LRRTM4: variants seen among roughly 807,000 people sequenced by gnomAD.
LRRTM4 encodes the protein leucine rich repeat transmembrane neuronal 4, also known as leucine-rich repeat transmembrane neuronal protein 4.
LRRTM4 carries 25 observed loss-of-function variants against 47.6 expected under a neutral mutation model. The observed-to-expected ratio is 0.53, with a 90% confidence interval of 0.38 to 0.73. LRRTM4 has a LOEUF of 0.73. Among genes scored for constraint, LRRTM4 ranks in the 30% least tolerant of loss-of-function variants. The pLI is 0.00. For missense variants in LRRTM4, 638 were observed against 713.4 expected, an observed-to-expected ratio of 0.89 and a Z score of 1.20; for synonymous variants, 311 against 269.5, an observed-to-expected ratio of 1.15 and a Z score of -1.51.
intron 3 of LRRTM4, among the ~76,000 whole-genome samples, chr2:77,510,274 A>G (rs931482267): frequency 2.6e-5 from 4 of 152,142 alleles, no homozygotes; most frequent in Admixed American, 6.5e-5. Context: ...TTAATAAGTT[A>G]ACACCTCAAA....
At chr2:76,825,686 G>A (rs1369324211) in intron 3 of LRRTM4, among the ~76,000 whole-genome samples, 2 of 150,864 alleles carry the variant, frequency 1.3e-5, no homozygotes, top group Non-Finnish European at 3.0e-5. Context: ...AGCTAAAAAT[G>A]TAAATGGGGA....
chr2:77,257,717 AAC>A (rs57315997), intron 3 of LRRTM4, among the ~76,000 whole-genome samples: 5,363 of 146,524 alleles, frequency 0.037, 128 homozygotes, highest in African/African-American at 0.063. Flanking sequence ...TTAAAAATAC[AAC>A]ACACACACAC....
chr2:76,789,726 A>G (rs1363578739), intron 3 of LRRTM4, among the ~76,000 whole-genome samples: 1 of 152,144 alleles, frequency 6.6e-6, no homozygotes, highest in Non-Finnish European at 1.5e-5. Context: ...TGGAATAACC[A>G]AATTCCAGGT....
chr2:76,863,369 G>C (rs1672374401), intron 3 of LRRTM4, among the ~76,000 whole-genome samples: 1 of 152,102 alleles, frequency 6.6e-6, no homozygotes, highest in African/African-American at 2.4e-5. Context: ...TAATGACCCA[G>C]ACACATCAAT....
chr2:77,479,826 A>C (rs1677596036), intron 3 of LRRTM4, among the ~76,000 whole-genome samples: 1 of 151,402 alleles, frequency 6.6e-6, no homozygotes, highest in African/African-American at 2.4e-5. Context: ...GGCTCATCAG[A>C]CTTCTTCAGA....
chr2:76,792,799 G>GTATC (rs935169473), intron 3 of LRRTM4, among the ~76,000 whole-genome samples: 8 of 152,260 alleles, frequency 5.3e-5, no homozygotes, highest in Admixed American at 4.6e-4. Flanking sequence ...AAATTAGCTT[G>GTATC]TATCTGGTTA....
At chr2:76,996,744 T>C (rs1677216369) in intron 3 of LRRTM4, among the ~76,000 whole-genome samples, 1 of 151,876 alleles carries the variant, frequency 6.6e-6, no homozygotes, top group South Asian at 2.1e-4. Flanking sequence ...TGATGAAAAG[T>C]TTCCTCACAA....
intron 3 of LRRTM4, among the ~76,000 whole-genome samples, chr2:76,864,429 G>A (rs1272111263): frequency 4.0e-5 from 6 of 151,898 alleles, no homozygotes; most frequent in Non-Finnish European, 7.4e-5. Context: ...AGGCCTAGGC[G>A]GGCGGATCAT....
chr2:77,191,979 A>G (rs1450913550), intron 3 of LRRTM4, among the ~76,000 whole-genome samples: 1 of 152,094 alleles, frequency 6.6e-6, no homozygotes, highest in Non-Finnish European at 1.5e-5. Context: ...AGGTCAGAAT[A>G]AAGACATCCA....
intron 3 of LRRTM4, among the ~76,000 whole-genome samples, chr2:76,794,012 A>G (rs577071703): frequency 6.1e-4 from 93 of 152,332 alleles, no homozygotes; most frequent in Non-Finnish European, 9.0e-4. Flanking sequence ...TGTCTCTAAT[A>G]GTAATCTGTA....
intron 3 of LRRTM4, among the ~76,000 whole-genome samples, chr2:76,810,453 T>C (rs577035921): frequency 7.2e-5 from 11 of 152,306 alleles, no homozygotes; most frequent in South Asian, 4.1e-4. Context: ...TTTGCTCTTA[T>C]GTTTTTGATT....
intron 3 of LRRTM4, among the ~76,000 whole-genome samples, chr2:77,413,264 G>A (rs1319245269): frequency 5.9e-5 from 9 of 152,268 alleles, no homozygotes; most frequent in Non-Finnish European, 1.0e-4. Flanking sequence ...AAGAACATGA[G>A]TAGGTCTGGC....
intron 3 of LRRTM4, among the ~76,000 whole-genome samples, chr2:76,752,817 T>C (rs1488889688): frequency 6.6e-6 from 1 of 152,144 alleles, no homozygotes; most frequent in Non-Finnish European, 1.5e-5. Flanking sequence ...TTAATTCAGA[T>C]TTGGTATTTT....
intron 3 of LRRTM4, among the ~76,000 whole-genome samples, chr2:77,287,419 G>A (rs1676695817): frequency 6.6e-6 from 1 of 151,642 alleles, no homozygotes; most frequent in Admixed American, 6.6e-5. Context: ...TCTATCATAT[G>A]TATATATTAG....
At chr2:76,924,214 T>C (rs1475824900) in intron 3 of LRRTM4, among the ~76,000 whole-genome samples, 1 of 152,086 alleles carries the variant, frequency 6.6e-6, no homozygotes, top group Non-Finnish European at 1.5e-5. Context: ...ATTTTAAAAC[T>C]AAAGCAAAAA....
At chr2:77,103,552 C>A (rs1671012665) in intron 3 of LRRTM4, among the ~76,000 whole-genome samples, 1 of 151,314 alleles carries the variant, frequency 6.6e-6, no homozygotes, top group Non-Finnish European at 1.5e-5. Context: ...CCAATATCCT[C>A]TTAGAAATAA....
Position 77,503,063 on chromosome 2 carries a change from T to C in LRRTM4, c.1551+15255A>G, listed in dbSNP as rs186490482. Among the ~76,000 whole-genome samples, 43 of 151,360 alleles carry C rather than the reference T, an allele frequency of 2.8e-4. No individual in the cohort carries two copies. In the East Asian group the frequency reaches 7.4e-3, roughly 26 times the overall value. ...TTCAGGGTTTTTTTTTTTTAGCTTA[T>C]ATTTTGGTTCTCATTCTATCAACAA... On this transcript the variant is annotated intron_variant, in intron 3 of 3. Transcript: ENST00000409884.
chr2:76,993,375 A>G (rs1677081649), intron 3 of LRRTM4, among the ~76,000 whole-genome samples: 2 of 151,948 alleles, frequency 1.3e-5, no homozygotes, highest in African/African-American at 4.8e-5. Context: ...ACAAAGATCT[A>G]ATATCTAGAA....
intron 3 of LRRTM4, among the ~76,000 whole-genome samples, chr2:76,809,426 A>G (rs1670661356): frequency 6.6e-6 from 1 of 152,130 alleles, no homozygotes; most frequent in Non-Finnish European, 1.5e-5. Flanking sequence ...GACTAAAACC[A>G]TGGACTCTTC....
Sources: gnomAD v4.1 joint callset for allele counts (sites outside exome capture counted in the v4.1 genomes callset) on GRCh38, gnomAD v4.1.1 for gene constraint, MANE v1.5 for transcripts, NCBI Gene and HGNC (gene_info 2026-07-23, HGNC 2026-07-21) for gene names.